Variants in C2CD4D observed in about 807,000 individuals in gnomAD.
C2CD4D encodes the protein C2 calcium dependent domain containing 4D.
In C2CD4D, 1 loss-of-function variant was observed where a neutral mutation model predicts 0.2. That is an observed-to-expected ratio of 4.00 (90% CI 1.42 to 18.99). The LOEUF (loss-of-function observed/expected upper bound fraction) is 18.99. Among genes scored for constraint, C2CD4D ranks in the 30% most tolerant of loss-of-function variants. The pLI is 0.11. For missense variants in C2CD4D, 552 were observed against 551.2 expected (o/e 1.00, Z -0.01); for synonymous variants, 269 against 279.8 (o/e 0.96, Z 0.39).
rs1652730014 is a variant in C2CD4D, at chr1:151,839,800, G to T, written c.-232+403C>A. 1.3e-5 allele frequency among the ~76,000 whole-genome samples: 2 copies of T among 152,150 alleles called. No individual in the cohort carries two copies. Among genetic ancestry groups the T allele is most frequent in the Admixed American group, 1.3e-4 (2 of 15,276 alleles). On this transcript the variant is annotated intron_variant, in intron 1 of 1. In the 5' UTR this introduces an upstream ATG that the reference lacks. Transcript: ENST00000454109. Reference sequence around the variant, plus strand: ...GACCGTCCAGCTCCCGCGCCTCCCAGCCCTACCGCATCCCGCGTCTGCAGG... The same window carrying T: ...GACCGTCCAGCTCCCGCGCCTCCCATCCCTACCGCATCCCGCGTCTGCAGG...
chr1:151,839,078 C>T (rs989048657), exon 2 of C2CD4D: 85 of 1,448,304 alleles, frequency 5.9e-5, no homozygotes, highest in Middle Eastern at 1.9e-4. Context: ...CGGAGCGGGG[C>T]TGGGCGAGGA....
At chr1:151,838,608 A>G in exon 2 of C2CD4D, 1 of 1,313,300 alleles carries the variant, frequency 7.6e-7, no homozygotes, top group Non-Finnish European at 9.6e-7. Context: ...TCCGGGGCGG[A>G]GACGTGCAGC....
chr1:151,838,833 TGAA>T lies in C2CD4D; in HGVS notation c.154_156del (p.Phe52del), dbSNP rs1254319392. ...CCCGGGTCCGGGAGCCGAGGCGGGA[TGAA>T]GAACTGCGGGATGCGATCCGGGGTG... On this transcript the variant is annotated inframe_deletion, in exon 2 of 2. Coordinates refer to ENST00000454109, the Ensembl canonical transcript of C2CD4D. 19 of 1,474,842 alleles carry T rather than the reference TGAA, an allele frequency of 1.3e-5. No individual in the cohort carries two copies. In the East Asian group the frequency reaches 5.3e-4, roughly 41 times the overall value. 91.4% of individuals were successfully genotyped at this position (1,474,842 alleles called of 1,614,324 possible).
exon 2 of C2CD4D, chr1:151,837,828 G>T (rs12122596): frequency 7.0e-7 from 1 of 1,435,848 alleles, no homozygotes; most frequent in Admixed American, 2.9e-5. Context: ...TAAGGACAAG[G>T]GGACATTTTA....
chr1:151,838,221 C>T, exon 2 of C2CD4D: 1 of 1,412,860 alleles, frequency 7.1e-7, no homozygotes, highest in South Asian at 1.6e-5. Context: ...ACACAGCAGC[C>T]GCCGCCGCCG....
chr1:151,838,378 CA>C lies in C2CD4D; in HGVS notation c.611del (p.Leu204ArgfsTer35). On this transcript the variant is annotated frameshift_variant, in exon 2 of 2. Coordinates refer to ENST00000454109, the Ensembl canonical transcript of C2CD4D. LOFTEE classifies it low-confidence loss of function (END_TRUNC). ...GCAGCACGCTCTCGCGCGTGGGCCG[CA>C]GCTGGCAGCACAGGAAGTCCAGGTG... 1 of 1,436,088 alleles carries C rather than the reference CA, an allele frequency of 7.0e-7. No homozygotes were observed. Among genetic ancestry groups the C allele is most frequent in the Non-Finnish European group, 9.1e-7 (1 of 1,095,138 alleles). The allele number at this position is 1,436,088 out of a possible 1,614,324, so 89.0% of individuals were successfully genotyped here. A position where few individuals can be genotyped will look rare whatever the true frequency, so the allele number is the denominator to read the frequency against.
rs1652634960 is a variant in C2CD4D, at chr1:151,838,176, CCCGCGGCCGGACG to C, written c.801_813del (p.Val268SerfsTer34). 5 of 1,550,390 alleles carry C rather than the reference CCCGCGGCCGGACG, an allele frequency of 3.2e-6. No individual in the cohort carries two copies. The highest frequency in any genetic ancestry group is 4.4e-6 in the Non-Finnish European group (5 of 1,146,548). ...CACTTGACCACGCGGCTCTGCTGCTCCCGCGGCCGGACGCGGGGCCGCAGCCTCAGCACCACAC... is the reference window on the plus strand; with the variant it reads ...CACTTGACCACGCGGCTCTGCTGCTCCGGGGCCGCAGCCTCAGCACCACAC... On this transcript the variant is annotated frameshift_variant, in exon 2 of 2. Coordinates refer to ENST00000454109, the Ensembl canonical transcript of C2CD4D. LOFTEE classifies it low-confidence loss of function (END_TRUNC).
Position 151,839,829 on chromosome 1 carries a change from G to A in C2CD4D, c.-232+374C>T, listed in dbSNP as rs1247912309. ...TACCGCATCCCGCGTCTGCAGGGCG[G>A]GGCCGGGCCGTTGGGTCGCCCCTCC... On this transcript the variant is annotated intron_variant, in intron 1 of 1. Transcript: ENST00000454109. Among the ~76,000 whole-genome samples, 1 of 152,184 alleles carries A rather than the reference G, an allele frequency of 6.6e-6. No individual in the cohort carries two copies.
chr1:151,838,219 G>A lies in C2CD4D; in HGVS notation c.771C>T (p.Gly257=), dbSNP rs965214796. Residue 257 remains glycine (G), a synonymous_variant, in exon 2 of 2, where the codon GGC becomes GGT. Coordinates refer to ENST00000454109, the Ensembl canonical transcript of C2CD4D. ...GCCGCAGCCTCAGCACCACACAGCA[G>A]CCGCCGCCGCCGCTCCCGGGGCGGG... 2.8e-6 allele frequency: 4 copies of A among 1,422,656 alleles called. No individual in the cohort carries two copies. The African/African-American group carries it at 4.5e-5, about 16-fold the overall frequency. 88.1% of individuals were successfully genotyped at this position (1,422,656 alleles called of 1,614,324 possible).
chr1:151,839,216 G>C (rs1652704251), exon 2 of C2CD4D: 2 of 547,360 alleles, frequency 3.7e-6, no homozygotes, highest in East Asian at 6.8e-5. Context: ...GCGCAGTCTG[G>C]GGGGCTGGGG....
chr1:151,838,624 C>A, exon 2 of C2CD4D: 1 of 1,318,988 alleles, frequency 7.6e-7, no homozygotes, highest in Non-Finnish European at 9.6e-7. Context: ...GCAGCCGGGA[C>A]TGCGCCGCGG....
intron 1 of C2CD4D, chr1:151,840,177 A>T (rs1652745251): frequency 6.6e-6 from 1 of 152,310 alleles, no homozygotes; most frequent in Non-Finnish European, 1.5e-5. Flanking sequence ...AGGAGCTGGC[A>T]GGGGCCTCCG....
At chr1:151,838,284 G>C in exon 2 of C2CD4D, 8 of 1,323,604 alleles carry the variant, frequency 6.0e-6, no homozygotes, top group Non-Finnish European at 7.7e-6. Context: ...ACTAGGCGCA[G>C]CCGCAGCCGC....
At position 151,838,072 on chromosome 1, in the gene C2CD4D, T is replaced by C. The variant is rs978012816; in HGVS notation, c.918A>G (p.Arg306=). The C allele has an allele frequency of 6.4e-6, 10 of 1,551,324 alleles. No homozygotes were observed. In the African/African-American group the frequency reaches 1.2e-4, roughly 19 times the overall value. ...CCGCGCCCCTGTCTAGCACCTTGGC[T>C]CTCAGGCTGCGGGCGGCCAGGTCCG... The change falls in exon 2 of 2, where the codon AGA becomes AGG. Residue 306 remains arginine (R), a synonymous_variant. Transcript: ENST00000454109.
chr1:151,838,264 C>G (rs1652640140), exon 2 of C2CD4D: 1 of 1,326,754 alleles, frequency 7.5e-7, no homozygotes, highest in East Asian at 3.2e-5. Flanking sequence ...GGGGCAGGCC[C>G]TCGGCGCTCA....
At position 151,839,234 on chromosome 1, in the gene C2CD4D, G is replaced by A. The variant is rs946460489; in HGVS notation, c.-231-14C>T. 1.9e-6 allele frequency: 1 copy of A among 537,374 alleles called. No homozygotes were observed. The highest frequency in any genetic ancestry group is 3.4e-5 in the East Asian group (1 of 29,092). The allele number at this position is 537,374 out of a possible 1,614,324, so 33.3% of individuals were successfully genotyped here. On this transcript the variant is annotated splice_polypyrimidine_tract_variant and intron_variant, in intron 1 of 1. Coordinates refer to ENST00000454109, the Ensembl canonical transcript of C2CD4D. Reference sequence around the variant, plus strand: ...CAGTCTGGGGGGCTGGGGAGAAATGGAGGGAGCAAAGGGCCAGTCAGTCAC... The same window carrying A: ...CAGTCTGGGGGGCTGGGGAGAAATGAAGGGAGCAAAGGGCCAGTCAGTCAC...
At chr1:151,838,254 G>T (rs1215738370) in exon 2 of C2CD4D, 1 of 1,328,566 alleles carries the variant, frequency 7.5e-7, no homozygotes, top group East Asian at 3.1e-5. Flanking sequence ...GACCGCGGCC[G>T]GGGCAGGCCC....
exon 2 of C2CD4D, chr1:151,838,434 G>C (rs912025508): frequency 3.5e-6 from 5 of 1,419,672 alleles, no homozygotes; most frequent in Non-Finnish European, 3.7e-6. Context: ...GGCCCGGCGC[G>C]GCGCGGCGAG....
At chr1:151,838,690 C>A in exon 2 of C2CD4D, 1 of 1,373,814 alleles carries the variant, frequency 7.3e-7, no homozygotes. Flanking sequence ...CCCGCCGGCG[C>A]GTGTGCGGGC....
Sources: gnomAD v4.1 joint callset for allele counts (sites outside exome capture counted in the v4.1 genomes callset) on GRCh38, gnomAD v4.1.1 for gene constraint, MANE v1.5 for transcripts, NCBI Gene and HGNC (gene_info 2026-07-23, HGNC 2026-07-21) for gene names.